The following SLC35A5 variants were observed in gnomAD, a reference collection of about 807,000 sequenced individuals.
The protein encoded by SLC35A5 is solute carrier family 35 member A5, also known as UDP-sugar transporter protein SLC35A5.
A neutral mutation model predicts 36.3 loss-of-function variants in SLC35A5; 28 were observed. The ratio of observed to expected loss-of-function variants is 0.77; its 90% CI spans 0.57 to 1.06. The LOEUF (loss-of-function observed/expected upper bound fraction) is 1.06, where lower values mean the gene tolerates loss of function less well. Among genes scored for constraint, SLC35A5 ranks in the 50% least tolerant of loss-of-function variants. SLC35A5 has a pLI of 0.00. For missense variants in SLC35A5, 521 were observed against 499.3 expected (o/e 1.04, Z -0.41); for synonymous variants, 180 against 173.7 (o/e 1.04, Z -0.29).
rs747555749 is a variant in SLC35A5 at position 112,581,248 on chromosome 3, G to A, written c.1131G>A (p.Lys377=). 19 of 1,613,692 alleles carry A rather than the reference G, an allele frequency of 1.2e-5. No individual in the cohort carries two copies. The South Asian group carries it at 1.5e-4, about 13-fold the overall frequency. The part of the protein sequence containing the change: ...LLSIFIYNAS[K]PQVPEYAPRQ... ...CTATATTTATTTATAATGCCAGCAA[G>A]CCTCAAGTTCCGGAATACGCACCTA... The change falls in exon 6 of 7, where the codon AAG becomes AAA. Residue 377 remains lysine, a synonymous_variant. Coordinates refer to ENST00000492406, the MANE Select transcript of SLC35A5 (RefSeq NM_017945.5).
upstream of SLC35A5, chr3:112,561,707 G>T: frequency 1.6e-6 from 1 of 626,846 alleles, no homozygotes; most frequent in Non-Finnish European, 2.6e-6. Flanking sequence ...GGGGCGGCAG[G>T]CACAGCGCGC....
chr3:112,565,771 A>G (rs993858902), intron 2 of SLC35A5, among the ~76,000 whole-genome samples: 2 of 152,110 alleles, frequency 1.3e-5, no homozygotes, highest in Non-Finnish European at 2.9e-5. Context: ...AAACTGTCTC[A>G]AGAAAAAAGA....
intron 1 of SLC35A5, among the ~76,000 whole-genome samples, 191 bp downstream of exon 1, chr3:112,562,464 A>G (rs941617109): frequency 1.3e-5 from 2 of 151,916 alleles, no homozygotes; most frequent in Non-Finnish European, 2.9e-5. Flanking sequence ...ATTTCTCCCC[A>G]CTCCCCGCAG....
intron 5 of SLC35A5, among the ~76,000 whole-genome samples, chr3:112,578,412 G>T (rs1336067995): frequency 6.6e-6 from 1 of 152,162 alleles, no homozygotes; most frequent in Non-Finnish European, 1.5e-5. Context: ...GGGAGGAGAG[G>T]CCCTCAGGAA....
chr3:112,564,285 G>C (rs1456712391), intron 2 of SLC35A5: 1 of 152,222 alleles, frequency 6.6e-6, no homozygotes, highest in Non-Finnish European at 1.5e-5. Flanking sequence ...CGGAGAGTGG[G>C]ATGTGGCAGG....
At chr3:112,581,439 T>G (rs1293728543) in intron 6 of SLC35A5, 113 bp downstream of exon 6, 1 of 1,128,058 alleles carries the variant, frequency 8.9e-7, no homozygotes, top group Non-Finnish European at 1.2e-6. Context: ...ATTGGATCTC[T>G]GACTTTTAAA....
chr3:112,572,188 C>T (rs924214807), intron 4 of SLC35A5, among the ~76,000 whole-genome samples: 29 of 150,544 alleles, frequency 1.9e-4, no homozygotes, highest in East Asian at 1.6e-3. Context: ...ATGATCCACC[C>T]GCCTCGGCCT....
intron 2 of SLC35A5, among the ~76,000 whole-genome samples, chr3:112,566,851 A>G (rs1481855137): frequency 1.3e-5 from 2 of 152,198 alleles, no homozygotes; most frequent in Non-Finnish European, 2.9e-5. Context: ...AGGAAGTAGT[A>G]TTTTATATTT....
intron 2 of SLC35A5, among the ~76,000 whole-genome samples, chr3:112,568,556 A>G (rs556453254): frequency 8.5e-5 from 13 of 152,316 alleles, no homozygotes; most frequent in African/African-American, 2.9e-4. Context: ...GATGTGTCCA[A>G]GTATTTCCTC....
Position 112,580,667 on chromosome 3 carries a change from G to A in SLC35A5, c.550G>A (p.Ala184Thr). 1 of 1,614,136 alleles carries A rather than the reference G, an allele frequency of 6.2e-7. No homozygotes were observed. The highest frequency in any genetic ancestry group is 8.5e-7 in the Non-Finnish European group (1 of 1,179,978). The change falls in exon 6 of 7, where the codon GCC becomes ACC. Residue 184 changes from alanine (A) to threonine (T), a missense_variant. Coordinates refer to ENST00000492406, the MANE Select transcript of SLC35A5 (RefSeq NM_017945.5). ...NLAGRGFHHD[A>T]FFSPSNSCLL... ...GGCAGGACGTGGATTTCATCACGAT[G>A]CCTTTTTCAGCCCTTCCAATTCCTG...
At chr3:112,563,955 G>A (rs1423782927) in intron 2 of SLC35A5, among the ~76,000 whole-genome samples, 1 of 152,196 alleles carries the variant, frequency 6.6e-6, no homozygotes, top group African/African-American at 2.4e-5. Flanking sequence ...CGGTCATATT[G>A]TATCAACAGT....
At position 112,563,432 on chromosome 3, in the gene SLC35A5, T is replaced by C. The variant is rs1241646804; in HGVS notation, c.29T>C (p.Val10Ala). The C allele has an allele frequency of 6.3e-7, 1 of 1,587,438 alleles. No individual in the cohort carries two copies. The highest frequency in any genetic ancestry group is 1.7e-4 in the Middle Eastern group (1 of 5,934). Residue 10 changes from valine to alanine, a missense_variant, in exon 2 of 7, where the codon GTA (valine) becomes GCA (alanine). Physicochemically the swap from Val to Ala is moderately conservative, Grantham distance 64 (BLOSUM62 0). Coordinates refer to ENST00000492406, the MANE Select transcript of SLC35A5 (RefSeq NM_017945.5). ...GAAAAACAGTGCTGTAGTCATCCTGTAATATGCTCCTTGTCAACAATGTAT... is the reference window on the plus strand; with the variant it reads ...GAAAAACAGTGCTGTAGTCATCCTGCAATATGCTCCTTGTCAACAATGTAT... MEKQCCSHP[V>A]ICSLSTMYTF...
At chr3:112,568,279 G>A (rs536487478) in intron 2 of SLC35A5, among the ~76,000 whole-genome samples, 29 of 152,298 alleles carry the variant, frequency 1.9e-4, no homozygotes, top group African/African-American at 6.7e-4. Flanking sequence ...TGTCCACTTG[G>A]CTTTTTTTCC....
In SLC35A5 at chr3:112,582,749, T is replaced by G. The variant is rs367757440; in HGVS notation, c.*13T>G. 3 of 1,604,180 alleles carry G rather than the reference T, an allele frequency of 1.9e-6. No individual in the cohort carries two copies. The highest frequency in any genetic ancestry group is 2.6e-6 in the Non-Finnish European group (3 of 1,171,862). ...AGATACTTTCTAACTGGTACCCACA[T>G]AGTTTGCAGCTCTCTTGAACCTTAT... is the stretch of plus-strand genomic sequence containing the variant. On this transcript the variant is annotated 3_prime_UTR_variant, in exon 7 of 7. Transcript: ENST00000492406.
chr3:112,580,513 A>G (rs748943736), intron 5 of SLC35A5, 33 bp from the exon 6 acceptor site: 6 of 1,553,274 alleles, frequency 3.9e-6, no homozygotes, highest in Non-Finnish European at 3.5e-6. Flanking sequence ...GGGGGAAAAC[A>G]GTAGTAAAAT....
chr3:112,578,149 C>A (rs543826280), intron 5 of SLC35A5, among the ~76,000 whole-genome samples: 1 of 151,914 alleles, frequency 6.6e-6, no homozygotes, highest in Admixed American at 6.6e-5. Flanking sequence ...TGAACTAAAG[C>A]CCCCCCTTTG....
intron 2 of SLC35A5, among the ~76,000 whole-genome samples, chr3:112,564,738 T>C (rs889151077): frequency 3.9e-5 from 6 of 152,122 alleles, no homozygotes; most frequent in African/African-American, 1.4e-4. Flanking sequence ...TAGGCAGAGG[T>C]CGCTGCGGCT....
At chr3:112,561,659 C>G (rs1933891193), upstream of SLC35A5, 1 of 816,314 alleles carries the variant, frequency 1.2e-6, no homozygotes, top group Non-Finnish European at 1.9e-6. Flanking sequence ...CCCGAGGGGA[C>G]GGGACGCGAC....
chr3:112,580,402 T>C, intron 5 of SLC35A5, 144 bp from the exon 6 acceptor site: 1 of 870,894 alleles, frequency 1.1e-6, no homozygotes, highest in South Asian at 1.9e-5. Flanking sequence ...CCAACAGTTT[T>C]TCTCTGAACT....
Sources: allele counts gnomAD v4.1 joint callset (sites outside exome capture counted in the v4.1 genomes callset), GRCh38; gene constraint gnomAD v4.1.1; transcripts MANE v1.5; gene names NCBI Gene and HGNC (gene_info 2026-07-23, HGNC 2026-07-21).